Variants in MYOM2 observed in about 807,000 individuals in gnomAD.
MYOM2 encodes myomesin 2, also known as myomesin-2.
Under a neutral mutation model 187.6 loss-of-function variants are expected in MYOM2, and 254 were observed. That is an observed-to-expected ratio of 1.35 (90% confidence interval 1.22 to 1.50). The LOEUF (loss-of-function observed/expected upper bound fraction) is 1.50. Ranked by LOEUF, MYOM2 falls within the 40% of genes most tolerant of loss-of-function variation. MYOM2 has a pLI of 0.00. For synonymous variants in MYOM2, 981 were observed against 753.8 expected, an observed-to-expected ratio of 1.30 and a Z score of -4.94; for missense variants, 2,796 against 1,924.0, an observed-to-expected ratio of 1.45 and a Z score of -8.48.
chr8:2,060,752 GTTTGT>G (rs1247529539), intron 6 of MYOM2, among the ~76,000 whole-genome samples: 41,783 of 92,700 alleles, frequency 0.45, 6,551 homozygotes, highest in East Asian at 0.51. Context: ...CTGTTCGTTT[GTTTGT>G]TTTTTTAAAG....
chr8:2,129,158 C>T lies in MYOM2; in HGVS notation c.3726C>T (p.Cys1242=), dbSNP rs780015085. The change falls in exon 32 of 37, where the codon TGC becomes TGT. Residue 1242 remains cysteine, a synonymous_variant. Coordinates refer to ENST00000262113, the MANE Select transcript of MYOM2 (RefSeq NM_003970.4). The stretch of plus-strand genomic sequence containing the variant: ...CTGCTTCGCCACTGAAGGTACTCTG[C>T]ACCCCAGAAGGAATACGACTTCAGT... The part of the protein sequence containing the change: ...GKSASPLKVL[C]TPEGIRLQCF... 11 of 1,611,280 alleles carry T rather than the reference C, an allele frequency of 6.8e-6. No individual in the cohort carries two copies. Among genetic ancestry groups the T allele is most frequent in the Non-Finnish European group, 9.3e-6 (11 of 1,177,582 alleles).
chr8:2,066,733 G>A lies in MYOM2; in HGVS notation c.654-2545G>A, dbSNP rs565877684. Among the ~76,000 whole-genome samples the A allele has an allele frequency of 5.3e-5, 8 of 152,270 alleles. No homozygotes were observed. In the South Asian group the frequency reaches 1.7e-3, roughly 32 times the overall value. The stretch of plus-strand genomic sequence containing the variant: ...GTGAGTATTATGTGTGAATTATATG[G>A]GTAGATCAGCACAGGTTGTTAATGC... On this transcript the variant is annotated intron_variant, in intron 6 of 36. Coordinates refer to ENST00000262113, the MANE Select transcript of MYOM2 (RefSeq NM_003970.4).
At chr8:2,144,322 T>C (rs1203690782) in intron 36 of MYOM2, among the ~76,000 whole-genome samples, 1 of 151,994 alleles carries the variant, frequency 6.6e-6, no homozygotes, top group Non-Finnish European at 1.5e-5. Context: ...GAAAGGAAAT[T>C]TGGGAGCAGA....
At chr8:2,078,402 T>A (rs1161133465) in intron 11 of MYOM2, among the ~76,000 whole-genome samples, 1 of 152,208 alleles carries the variant, frequency 6.6e-6, no homozygotes, top group Non-Finnish European at 1.5e-5. Flanking sequence ...GAACAAGAAC[T>A]GTTCAGGATG....
At chr8:2,131,413 C>T (rs1797862106) in intron 32 of MYOM2, among the ~76,000 whole-genome samples, 1 of 151,828 alleles carries the variant, frequency 6.6e-6, no homozygotes, top group African/African-American at 2.4e-5. Flanking sequence ...CAGTGCTCTC[C>T]CGAGAAGCTC....
chr8:2,095,109 T>G (rs1796434504), intron 17 of MYOM2, among the ~76,000 whole-genome samples: 1 of 152,178 alleles, frequency 6.6e-6, no homozygotes. Flanking sequence ...GAAATTAAAA[T>G]TTATCTTCTA....
intron 28 of MYOM2, among the ~76,000 whole-genome samples, chr8:2,122,694 A>G (rs1424891966): frequency 6.6e-6 from 1 of 152,198 alleles, no homozygotes; most frequent in Non-Finnish European, 1.5e-5. Flanking sequence ...TGTGAATTGG[A>G]ATGCTCATTT....
rs756033637 is a variant in MYOM2 at position 2,100,886 on chromosome 8, C to T, written c.2451C>T (p.Tyr817=). ...AWTMPEPGPA[Y]DLTFCEVRDT... is the part of the protein sequence containing the mutation. ...CATCTGACTTCACAGGTCCTGCCTA[C>T]GACTTGACGTTCTGTGAGGTCAGGG... is the stretch of plus-strand genomic sequence containing the variant. The change falls in exon 20 of 37, where the codon TAC becomes TAT. Residue 817 remains tyrosine (Y), a synonymous_variant. Transcript: ENST00000262113. 9.3e-6 allele frequency: 15 copies of T among 1,614,022 alleles called. No individual in the cohort carries two copies. The African/African-American group carries it at 9.3e-5, about 10-fold the overall frequency.
intron 5 of MYOM2, 145 bp from the exon 6 acceptor site, chr8:2,059,008 C>A: frequency 1.5e-6 from 1 of 648,752 alleles, no homozygotes; most frequent in South Asian, 1.9e-5. Context: ...CTGGGCCTCA[C>A]CGTCAGGGCT....
chr8:2,096,377 T>A lies in MYOM2; in HGVS notation c.2256T>A (p.Val752=). 6.2e-7 allele frequency: 1 copy of A among 1,614,212 alleles called. No homozygotes were observed. Among genetic ancestry groups the A allele is most frequent in the Non-Finnish European group, 8.5e-7 (1 of 1,180,030 alleles). Residue 752 remains valine (V), a synonymous_variant, in exon 18 of 37, where the codon GTT becomes GTA. Transcript: ENST00000262113. ...ILGYYLDKRE[V]HHKNWHEVNS... is the part of the protein sequence containing the mutation. Reference sequence around the variant, plus strand: ...GCTACTACCTGGACAAGCGTGAAGTTCACCATAAAAACTGGCACGAGGTCA... The same window carrying A: ...GCTACTACCTGGACAAGCGTGAAGTACACCATAAAAACTGGCACGAGGTCA...
Position 2,140,782 on chromosome 8 carries a change from G to C in MYOM2, c.3860G>C (p.Trp1287Ser), listed in dbSNP as rs1425940139. 2.5e-6 allele frequency: 4 copies of C among 1,614,094 alleles called. No individual in the cohort carries two copies. The highest frequency in any genetic ancestry group is 3.4e-6 in the Non-Finnish European group (4 of 1,179,994). The change falls in exon 33 of 37, where the codon TGG becomes TCG. Residue 1287 changes from tryptophan to serine, a missense_variant. Transcript: ENST00000262113. ...MRIGGSEEMA[W>S]LQICEPTEKD... ...ATCGGGGGGAGTGAAGAGATGGCTT[G>C]GCTGCAGATATGTGAGCCGACTGAG...
Position 2,059,246 on chromosome 8 carries a change from G to T in MYOM2, c.653+1G>T, listed in dbSNP as rs368958573. ...GCGTACACACACTGGAGATCAACAG[G>T]TATGGCTGTGGTGGGGGCTCTGGAC... is the stretch of plus-strand genomic sequence containing the variant. On this transcript the variant is annotated splice_donor_variant, in intron 6 of 36. Transcript: ENST00000262113. LOFTEE classifies it high-confidence loss of function. The T allele has an allele frequency of 1.2e-6, 2 of 1,613,792 alleles. No homozygotes were observed. Among genetic ancestry groups the T allele is most frequent in the East Asian group, 2.2e-5 (1 of 44,882 alleles).
At chr8:2,135,810 A>G (rs921064742) in intron 32 of MYOM2, among the ~76,000 whole-genome samples, 2 of 152,260 alleles carry the variant, frequency 1.3e-5, no homozygotes, top group Admixed American at 6.5e-5. Context: ...GGCAACAGTT[A>G]TAATTAATTC....
In MYOM2 at chr8:2,072,867, G is replaced by T. The variant is rs1293094186; in HGVS notation, c.958+358G>T. On this transcript the variant is annotated intron_variant, in intron 9 of 36. Coordinates refer to ENST00000262113, the MANE Select transcript of MYOM2 (RefSeq NM_003970.4). ...TCTAGACAGAAATGCTACCTTAGTC[G>T]TATTGAGATTCTTTTCTTCCTTCCA... Among the ~76,000 whole-genome samples the T allele has an allele frequency of 2.6e-5, 4 of 152,218 alleles. No individual in the cohort carries two copies. In the South Asian group the frequency reaches 6.2e-4, roughly 24 times the overall value.
chr8:2,108,736 T>C, intron 23 of MYOM2, 50 bp from the exon 24 acceptor site: 2 of 1,599,168 alleles, frequency 1.3e-6, no homozygotes, highest in Non-Finnish European at 1.7e-6. Context: ...GTCTACAAAC[T>C]TCTCTAGGTG....
intron 34 of MYOM2, 107 bp from the exon 35 acceptor site, chr8:2,142,265 CCTT>C (rs1408556291): frequency 2.2e-5 from 24 of 1,073,384 alleles, no homozygotes; most frequent in South Asian, 1.5e-4. Context: ...AAACGTATCT[CCTT>C]CTTCTTTTGC....
rs144856803 is a variant in MYOM2 at position 2,072,493 on chromosome 8, C to A, written c.942C>A (p.Ala314=). 2 of 1,613,314 alleles carry A rather than the reference C, an allele frequency of 1.2e-6. No individual in the cohort carries two copies. Among genetic ancestry groups the A allele is most frequent in the African/African-American group, 1.3e-5 (1 of 74,942 alleles). Reference sequence around the variant, plus strand: ...ACCTGAAGCGGGTGCAGCCGCGCGCCGAGTGGTACCGCGATGGTGAGTAGG... The same window carrying A: ...ACCTGAAGCGGGTGCAGCCGCGCGCAGAGTGGTACCGCGATGGTGAGTAGG... ...TPDLKRVQPR[A]EWYRDDVLLK... The change falls in exon 9 of 37, where the codon GCC becomes GCA. Residue 314 remains alanine, a synonymous_variant. Transcript: ENST00000262113.
chr8:2,132,819 T>A (rs73657739), intron 32 of MYOM2, among the ~76,000 whole-genome samples: 21,017 of 151,918 alleles, frequency 0.14, 2,603 homozygotes, highest in African/African-American at 0.31. Flanking sequence ...TCTGACTTTG[T>A]AAATGCTCTC....
intron 32 of MYOM2, among the ~76,000 whole-genome samples, chr8:2,132,081 C>G (rs570635898): frequency 7.9e-5 from 12 of 152,238 alleles, no homozygotes; most frequent in African/African-American, 2.9e-4. Context: ...TAAATGCGTT[C>G]TTATTAGATA....
Sources: allele counts gnomAD v4.1 joint callset (sites outside exome capture counted in the v4.1 genomes callset), GRCh38; gene constraint gnomAD v4.1.1; transcripts MANE v1.5; gene names NCBI Gene and HGNC (gene_info 2026-07-23, HGNC 2026-07-21).